OTOP1: variants seen among roughly 807,000 people sequenced by gnomAD.
OTOP1 encodes proton channel OTOP1.
OTOP1 carries 59 observed loss-of-function variants against 52.9 expected under a neutral mutation model. The ratio of observed to expected loss-of-function variants is 1.12; its 90% CI spans 0.91 to 1.39. The LOEUF (loss-of-function observed/expected upper bound fraction) is 1.39, where lower values mean the gene tolerates loss of function less well. Ranked by LOEUF, OTOP1 falls within the 40% of genes most tolerant of loss-of-function variation. The probability of loss-of-function intolerance (pLI) is 0.00; values close to 1 mark genes in which losing one functional copy is unlikely to be tolerated. For missense variants in OTOP1, 761 were observed against 800.9 expected (o/e 0.95, Z 0.60); for synonymous variants, 317 against 337.7 (o/e 0.94, Z 0.67).
chr4:4,220,381 A>C (rs1368354746), intron 1 of OTOP1, among the ~76,000 whole-genome samples: 4 of 152,126 alleles, frequency 2.6e-5, no homozygotes, highest in Non-Finnish European at 5.9e-5. Flanking sequence ...CATACCTCAA[A>C]ACAGAGTATA....
chr4:4,193,901 T>C (rs967173092), intron 5 of OTOP1, among the ~76,000 whole-genome samples: 1 of 152,140 alleles, frequency 6.6e-6, no homozygotes, highest in South Asian at 2.1e-4. Context: ...TTAAAAAATA[T>C]ATTAGGCCAG....
intron 1 of OTOP1, among the ~76,000 whole-genome samples, chr4:4,218,916 G>A (rs1424175312): frequency 2.6e-5 from 4 of 151,760 alleles, no homozygotes; most frequent in Admixed American, 6.6e-5. Flanking sequence ...GTAACAAAGC[G>A]AGACTCCGTC....
intron 3 of OTOP1, among the ~76,000 whole-genome samples, chr4:4,203,416 A>G (rs943025382): frequency 1.3e-5 from 2 of 152,212 alleles, no homozygotes; most frequent in Admixed American, 1.3e-4. Context: ...CCATGGTCAT[A>G]TATGGAGTAA....
chr4:4,204,491 G>A (rs1296933693), intron 3 of OTOP1, among the ~76,000 whole-genome samples: 1 of 152,130 alleles, frequency 6.6e-6, no homozygotes, highest in Non-Finnish European at 1.5e-5. Flanking sequence ...CAAGGAGGTA[G>A]CACTGTTGCC....
chr4:4,197,006 C>T (rs762965192), intron 5 of OTOP1, among the ~76,000 whole-genome samples, 160 bp downstream of exon 5: 13 of 152,144 alleles, frequency 8.5e-5, no homozygotes, highest in South Asian at 2.1e-4. Flanking sequence ...AACTACCTAT[C>T]GGGCACTATG....
chr4:4,200,407 C>T (rs1338733030), intron 4 of OTOP1, among the ~76,000 whole-genome samples: 2 of 149,800 alleles, frequency 1.3e-5, no homozygotes, highest in Non-Finnish European at 3.0e-5. Context: ...TCCCGGGAGG[C>T]AGAGCTTGCA....
intron 4 of OTOP1, among the ~76,000 whole-genome samples, chr4:4,198,826 C>T (rs1034547671): frequency 7.2e-5 from 11 of 152,184 alleles, no homozygotes; most frequent in South Asian, 4.1e-4. Context: ...GCGATGCAGT[C>T]TCTGACCCAT....
At chr4:4,191,972 T>C (rs564848817) in intron 5 of OTOP1, among the ~76,000 whole-genome samples, 2 of 152,308 alleles carry the variant, frequency 1.3e-5, no homozygotes, top group East Asian at 3.9e-4. Context: ...ATGGGACCTC[T>C]TTTCTGAAAT....
intron 5 of OTOP1, among the ~76,000 whole-genome samples, chr4:4,194,954 C>T (rs1301092692): frequency 6.6e-6 from 1 of 152,204 alleles, no homozygotes; most frequent in Non-Finnish European, 1.5e-5. Flanking sequence ...GGTTCAAGCT[C>T]CTCCCCTTCC....
rs1201141517 is a variant in OTOP1 at position 4,188,775 on chromosome 4, T to A, written c.*28A>T. On this transcript the variant is annotated 3_prime_UTR_variant, in exon 6 of 6. Transcript: ENST00000296358. ...TTGGCTCCAATGAACTCTTGTTAGC[T>A]CACTCCTAGGTCTCTTGTGGACCCA... is the stretch of plus-strand genomic sequence containing the variant. 1.3e-6 allele frequency: 2 copies of A among 1,569,424 alleles called. No homozygotes were observed. The highest frequency in any genetic ancestry group is 2.4e-5 in the South Asian group (2 of 82,824).
chr4:4,226,385 G>A, intron 1 of OTOP1, 77 bp downstream of exon 1: 2 of 1,307,196 alleles, frequency 1.5e-6, no homozygotes, highest in South Asian at 1.8e-5. Context: ...GCAGCGGTAG[G>A]AAGGGCGCAG....
chr4:4,202,309 G>A lies in OTOP1; in HGVS notation c.730+139C>T, dbSNP rs28706369. 3.8e-3 allele frequency: 4,389 copies of A among 1,140,444 alleles called. 117 individuals carry two copies. In the African/African-American group the frequency reaches 0.063, roughly 16 times the overall value. 70.6% of individuals were successfully genotyped at this position (1,140,444 alleles called of 1,614,324 possible). ...GTTTTGGAAGATTTTCAACAACAGC[G>A]GGCTGTCTGGCTGATGCTGAGTTGG... On this transcript the variant is annotated intron_variant, in intron 4 of 5. Transcript: ENST00000296358.
At chr4:4,218,549 G>A (rs956369778) in intron 1 of OTOP1, among the ~76,000 whole-genome samples, 20 of 152,280 alleles carry the variant, frequency 1.3e-4, no homozygotes, top group Admixed American at 1.2e-3. Context: ...AGGTAGAGAG[G>A]AAGTGGAAGC....
intron 2 of OTOP1, among the ~76,000 whole-genome samples, chr4:4,207,685 T>C (rs1716936840): frequency 1.3e-5 from 2 of 152,096 alleles, no homozygotes; most frequent in Non-Finnish European, 2.9e-5. Flanking sequence ...TTATTCACAA[T>C]AGCCAAGAGG....
intron 1 of OTOP1, among the ~76,000 whole-genome samples, chr4:4,222,927 C>T (rs182508335): frequency 1.3e-5 from 2 of 152,318 alleles, no homozygotes; most frequent in Admixed American, 6.5e-5. Context: ...TTGCAAACTG[C>T]TTCTCTCAAC....
In OTOP1 at chr4:4,197,198, TA is replaced by T; in HGVS notation, c.1635del (p.Asn545LysfsTer40). 1 of 1,612,522 alleles carries T rather than the reference TA, an allele frequency of 6.2e-7. No individual in the cohort carries two copies. The highest frequency in any genetic ancestry group is 8.5e-7 in the Non-Finnish European group (1 of 1,179,212). On this transcript the variant is annotated frameshift_variant, in exon 5 of 6. Coordinates refer to ENST00000296358, the MANE Select transcript of OTOP1 (RefSeq NM_177998.3). LOFTEE classifies it high-confidence loss of function. ...QGNAKRKVLR[N>X]IAAFLFLCNI... ...TTGCAGAGGAACAAGAAGGCTGCAA[TA>T]TTCCTCAGGACTTTTCTCTTGGCGT...
At chr4:4,207,404 C>T (rs1716929770) in intron 2 of OTOP1, among the ~76,000 whole-genome samples, 1 of 152,156 alleles carries the variant, frequency 6.6e-6, no homozygotes, top group Non-Finnish European at 1.5e-5. Flanking sequence ...GAAGACTGTA[C>T]ACTTTAAGTA....
chr4:4,207,864 G>A (rs116188401), intron 2 of OTOP1, among the ~76,000 whole-genome samples: 1 of 152,134 alleles, frequency 6.6e-6, no homozygotes, highest in Non-Finnish European at 1.5e-5. Flanking sequence ...GATTTTGAGG[G>A]CTTCAATATT....
At chr4:4,192,863 CG>C (rs766681392) in intron 5 of OTOP1, among the ~76,000 whole-genome samples, 69 of 152,142 alleles carry the variant, frequency 4.5e-4, no homozygotes, top group Non-Finnish European at 9.3e-4. Flanking sequence ...ACTGAAAGAA[CG>C]GTGGTTGTCA....
Sources: allele counts gnomAD v4.1 joint callset (sites outside exome capture counted in the v4.1 genomes callset), GRCh38; gene constraint gnomAD v4.1.1; transcripts MANE v1.5; gene names NCBI Gene and HGNC (gene_info 2026-07-23, HGNC 2026-07-21).